Variants in VAV2 observed in about 807,000 individuals in gnomAD.
VAV2 encodes the protein guanine nucleotide exchange factor VAV2.
In VAV2, 67 loss-of-function variants were observed where a neutral mutation model predicts 132.5. That is an observed-to-expected ratio of 0.51 (90% CI 0.42 to 0.62). VAV2 has a LOEUF of 0.62. Ranked by LOEUF, VAV2 falls within the 20% of genes least tolerant of loss-of-function variation. The pLI, the probability that VAV2 is intolerant of heterozygous loss-of-function variation, is 0.00. For missense variants in VAV2, 938 were observed against 1,153.6 expected, an observed-to-expected ratio of 0.81 and a Z score of 2.71; for synonymous variants, 492 against 443.5, an observed-to-expected ratio of 1.11 and a Z score of -1.37.
At chr9:133,797,678 C>T (rs1316152160) in intron 10 of VAV2, 32 bp downstream of exon 10, 2 of 1,594,884 alleles carry the variant, frequency 1.3e-6, no homozygotes, top group South Asian at 1.1e-5. Context: ...ACCTTGGAGC[C>T]AGGGCCAGGG....
chr9:133,767,527 T>C (rs898701872), intron 29 of VAV2, among the ~76,000 whole-genome samples: 1 of 152,212 alleles, frequency 6.6e-6, no homozygotes, highest in South Asian at 2.1e-4. Context: ...GCACTTTTAA[T>C]GCCAATCACA....
chr9:133,906,002 T>C (rs2132027849), intron 2 of VAV2, among the ~76,000 whole-genome samples: 1 of 152,270 alleles, frequency 6.6e-6, no homozygotes, highest in East Asian at 1.9e-4. Context: ...ATCGCGCCAC[T>C]GAATCCAGCC....
intron 2 of VAV2, among the ~76,000 whole-genome samples, chr9:133,866,805 CAAA>C (rs55659710): frequency 5.9e-5 from 5 of 85,192 alleles, no homozygotes; most frequent in Non-Finnish European, 1.2e-4. Context: ...GACTCCGTCT[CAAA>C]AAAAAAAAAA....
At chr9:133,832,298 GAGA>G (rs766609998) in intron 4 of VAV2, among the ~76,000 whole-genome samples, 28 of 152,220 alleles carry the variant, frequency 1.8e-4, no homozygotes, top group Non-Finnish European at 3.7e-4. Flanking sequence ...GGATGTGGCA[GAGA>G]AGGATTTCCA....
At chr9:133,778,617 TAGGCC>T in intron 22 of VAV2, 140 bp downstream of exon 22, 1 of 1,296,036 alleles carries the variant, frequency 7.7e-7, no homozygotes, top group African/African-American at 1.5e-5. Flanking sequence ...GAGGCCTTGC[TAGGCC>T]CCCTGTGCCT....
rs1373227973 is a variant in VAV2, at chr9:133,964,046, T to C, written c.205-24827A>G. Among the ~76,000 whole-genome samples the C allele has an allele frequency of 1.0e-3, 88 of 87,876 alleles. 3 individuals carry two copies. The highest frequency in any genetic ancestry group is 6.7e-3 in the East Asian group (17 of 2,536). 57.7% of individuals were successfully genotyped at this position (87,876 alleles called of 152,430 possible). On this transcript the variant is annotated intron_variant, in intron 1 of 29. Transcript: ENST00000371850. The stretch of plus-strand genomic sequence containing the variant: ...TCATATATATATATATATATATATA[T>C]ATACATATATATACATATATATAAA...
chr9:133,877,554 A>G (rs1390752933), intron 2 of VAV2, among the ~76,000 whole-genome samples: 1 of 152,228 alleles, frequency 6.6e-6, no homozygotes, highest in Non-Finnish European at 1.5e-5. Flanking sequence ...ACTGAGGGTC[A>G]GAGTGGTCAC....
intron 3 of VAV2, among the ~76,000 whole-genome samples, chr9:133,854,273 A>C: frequency 7.4e-6 from 1 of 135,194 alleles, no homozygotes; most frequent in African/African-American, 3.4e-5. Context: ...ACACGCACAT[A>C]CCCATATGCA....
chr9:133,868,443 T>C (rs796945993), intron 2 of VAV2, among the ~76,000 whole-genome samples: 6 of 152,292 alleles, frequency 3.9e-5, no homozygotes, highest in African/African-American at 1.4e-4. Flanking sequence ...GGTTGGCTCA[T>C]CTGTGAGATG....
chr9:133,827,118 G>A (rs1431413678), intron 4 of VAV2, among the ~76,000 whole-genome samples: 2 of 152,212 alleles, frequency 1.3e-5, no homozygotes, highest in South Asian at 2.1e-4. Context: ...CCAGGCCAGA[G>A]CAATCAGAGA....
chr9:133,932,175 C>T (rs755185295), intron 2 of VAV2, among the ~76,000 whole-genome samples: 53 of 152,234 alleles, frequency 3.5e-4, no homozygotes, highest in Non-Finnish European at 7.1e-4. Flanking sequence ...CTGGAAGAAG[C>T]CGCCAGAGCT....
intron 16 of VAV2, 37 bp downstream of exon 16, chr9:133,787,209 T>C (rs775957623): frequency 3.9e-6 from 6 of 1,550,718 alleles, no homozygotes; most frequent in South Asian, 1.2e-5. Flanking sequence ...CTGGGATGAT[T>C]GAGGCAGGTG....
intron 10 of VAV2, 137 bp downstream of exon 10, chr9:133,797,573 C>G: frequency 2.6e-6 from 2 of 783,780 alleles, no homozygotes; most frequent in South Asian, 3.7e-5. Flanking sequence ...GAAAAATCTA[C>G]AAAAAACCAT....
At chr9:133,772,078 C>T (rs773055597) in intron 25 of VAV2, 32 bp from the exon 26 acceptor site, 6 of 1,597,012 alleles carry the variant, frequency 3.8e-6, no homozygotes, top group Non-Finnish European at 5.2e-6. Context: ...GCGGTCACCG[C>T]GTGAGGGCCA....
At chr9:133,967,503 T>C (rs552976505) in intron 1 of VAV2, among the ~76,000 whole-genome samples, 1 of 152,216 alleles carries the variant, frequency 6.6e-6, no homozygotes, top group Admixed American at 6.5e-5. Flanking sequence ...AGTGAATGAA[T>C]GGATAAAGAA....
chr9:133,810,986 G>A (rs1295247567), intron 5 of VAV2, among the ~76,000 whole-genome samples: 12 of 152,140 alleles, frequency 7.9e-5, no homozygotes, highest in South Asian at 2.1e-4. Context: ...CGGCCGCCTC[G>A]GGACCTCTCA....
chr9:133,767,294 G>C (rs1833469543), intron 29 of VAV2, among the ~76,000 whole-genome samples: 1 of 152,054 alleles, frequency 6.6e-6, no homozygotes. Flanking sequence ...GCCACACAAA[G>C]CAGTAATCCC....
At chr9:133,973,250 G>A (rs939320959) in intron 1 of VAV2, among the ~76,000 whole-genome samples, 12 of 152,148 alleles carry the variant, frequency 7.9e-5, no homozygotes, top group Non-Finnish European at 1.6e-4. Flanking sequence ...CGCTCAGCCC[G>A]CCCAGAGCGT....
At chr9:133,797,626 G>C (rs945607329) in intron 10 of VAV2, 84 bp downstream of exon 10, 15 of 1,220,458 alleles carry the variant, frequency 1.2e-5, no homozygotes, top group Non-Finnish European at 1.7e-5. Context: ...AAATGGGCAA[G>C]AGAGAGGCTG....
Sources: gnomAD v4.1 joint callset for allele counts (sites outside exome capture counted in the v4.1 genomes callset) on GRCh38, gnomAD v4.1.1 for gene constraint, MANE v1.5 for transcripts, NCBI Gene and HGNC (gene_info 2026-07-23, HGNC 2026-07-21) for gene names.